EXT1: variants seen among roughly 807,000 people sequenced by gnomAD.
The protein encoded by EXT1 is exostosin glycosyltransferase 1, also known as exostosin-1.
In EXT1, 20 loss-of-function variants were observed where a neutral mutation model predicts 82.5. The observed-to-expected ratio is 0.24, with a 90% confidence interval of 0.17 to 0.35. The LOEUF is 0.35. Ranked by LOEUF, EXT1 falls within the 10% of genes least tolerant of loss-of-function variation. The pLI is 1.00. For synonymous variants in EXT1, 348 were observed against 350.8 expected (o/e 0.99, Z 0.09); for missense variants, 757 against 936.5 (o/e 0.81, Z 2.50).
intron 1 of EXT1, among the ~76,000 whole-genome samples, chr8:117,998,412 C>T (rs1047921643): frequency 2.0e-5 from 3 of 152,064 alleles, no homozygotes; most frequent in African/African-American, 7.2e-5. Flanking sequence ...TGGGCTCAAG[C>T]GACTTTCCCA....
At chr8:117,833,333 G>A (rs1406989984) in intron 3 of EXT1, among the ~76,000 whole-genome samples, 1 of 152,148 alleles carries the variant, frequency 6.6e-6, no homozygotes, top group Non-Finnish European at 1.5e-5. Context: ...AACTGGACAA[G>A]TGGCTGGGCG....
At chr8:117,860,122 G>C (rs1812654364) in intron 1 of EXT1, among the ~76,000 whole-genome samples, 1 of 137,234 alleles carries the variant, frequency 7.3e-6, no homozygotes, top group East Asian at 2.1e-4. Context: ...CCTCCAGCCT[G>C]GGTAACAGAG....
chr8:117,876,934 C>G (rs1405370675), intron 1 of EXT1, among the ~76,000 whole-genome samples: 4 of 152,018 alleles, frequency 2.6e-5, no homozygotes, highest in African/African-American at 9.7e-5. Context: ...TTTCAGCTAC[C>G]AGGCTGTGGG....
intron 1 of EXT1, among the ~76,000 whole-genome samples, chr8:118,026,255 A>C (rs1029895891): frequency 4.6e-5 from 7 of 152,314 alleles, no homozygotes; most frequent in Non-Finnish European, 7.4e-5. Flanking sequence ...GGGCTGGCTA[A>C]GGTGAGGGCT....
chr8:118,056,808 G>T (rs1816801833), intron 1 of EXT1, among the ~76,000 whole-genome samples: 1 of 152,208 alleles, frequency 6.6e-6, no homozygotes, highest in Non-Finnish European at 1.5e-5. Flanking sequence ...AGAGAGCCTG[G>T]AAGAGAACTT....
intron 7 of EXT1, among the ~76,000 whole-genome samples, chr8:117,816,873 T>C (rs1811830816): frequency 1.3e-5 from 2 of 152,186 alleles, no homozygotes; most frequent in South Asian, 4.1e-4. Flanking sequence ...CCTTGACCCA[T>C]GGAAGCATAC....
At chr8:117,863,061 G>C (rs1812712655) in intron 1 of EXT1, among the ~76,000 whole-genome samples, 1 of 152,152 alleles carries the variant, frequency 6.6e-6, no homozygotes, top group African/African-American at 2.4e-5. Context: ...GGCGTTGTTA[G>C]CTTTGATGCA....
chr8:117,874,239 T>C (rs1310869813), intron 1 of EXT1, among the ~76,000 whole-genome samples: 1 of 152,184 alleles, frequency 6.6e-6, no homozygotes, highest in Admixed American at 6.5e-5. Flanking sequence ...TTGTCAAGTT[T>C]GTATGACAAT....
rs571179564 is a variant in EXT1 at position 117,803,570 on chromosome 8, C to T, written c.2055+1152G>A. 4.6e-5 allele frequency among the ~76,000 whole-genome samples: 7 copies of T among 152,192 alleles called. No individual in the cohort carries two copies. In the East Asian group the frequency reaches 1.4e-3, roughly 29 times the overall value. On this transcript the variant is annotated intron_variant, in intron 10 of 10. Transcript: ENST00000378204. ...AAAGATAGATGAAATTCGGCATATCCAGGTGGACCTGATACCAAGATGGTG... is the reference window on the plus strand; with the variant it reads ...AAAGATAGATGAAATTCGGCATATCTAGGTGGACCTGATACCAAGATGGTG...
At position 117,968,526 on chromosome 8, in the gene EXT1, C is replaced by CTTATTTATTTAT. The variant is rs1250006319; in HGVS notation, c.963-131337_963-131326dup. On this transcript the variant is annotated intron_variant, in intron 1 of 10. Transcript: ENST00000378204. The stretch of plus-strand genomic sequence containing the variant: ...TCTAATTAAATACTACTTATTCTGC[C>CTTATTTATTTAT]TTATTTATTTATTTATTTATTTATT... Among the ~76,000 whole-genome samples, 347 of 37,016 alleles carry CTTATTTATTTAT rather than the reference C, an allele frequency of 9.4e-3. 24 individuals carry two copies. The highest frequency in any genetic ancestry group is 0.01 in the Non-Finnish European group (254 of 25,252). The allele number at this position is 37,016 out of a possible 152,430, so 24.3% of individuals were successfully genotyped here.
chr8:118,027,491 G>A (rs1188101108), intron 1 of EXT1, among the ~76,000 whole-genome samples: 1 of 152,206 alleles, frequency 6.6e-6, no homozygotes, highest in Admixed American at 6.5e-5. Flanking sequence ...TCTAGCTCAA[G>A]TCTTTGGACT....
intron 1 of EXT1, among the ~76,000 whole-genome samples, chr8:117,878,917 CTT>C (rs1813014939): frequency 6.6e-6 from 1 of 152,224 alleles, no homozygotes; most frequent in African/African-American, 2.4e-5. Flanking sequence ...TGCTCCACTT[CTT>C]CATGGTGAGA....
chr8:118,083,309 C>T (rs1055068114), intron 1 of EXT1, among the ~76,000 whole-genome samples: 3 of 152,176 alleles, frequency 2.0e-5, no homozygotes, highest in Non-Finnish European at 4.4e-5. Flanking sequence ...GTAATCTCCA[C>T]AATTAAAGAA....
At chr8:117,866,139 C>T (rs563170286) in intron 1 of EXT1, among the ~76,000 whole-genome samples, 2 of 152,200 alleles carry the variant, frequency 1.3e-5, no homozygotes, top group African/African-American at 4.8e-5. Flanking sequence ...GCAGGAGAAT[C>T]GCTTGAACCC....
intron 1 of EXT1, among the ~76,000 whole-genome samples, chr8:117,859,880 C>A (rs953824686): frequency 6.6e-6 from 1 of 152,178 alleles, no homozygotes; most frequent in Non-Finnish European, 1.5e-5. Context: ...GGCACAGTGG[C>A]TCACGCCTGT....
rs376449014 is a variant in EXT1 at position 117,822,466 on chromosome 8, T to A, written c.1416A>T (p.Leu472Phe). Residue 472 changes from leucine (L) to phenylalanine (F), a missense_variant and splice_region_variant, in exon 5 of 11, where the codon TTA becomes TTT. Transcript: ENST00000378204. ...ACTCCCTGGAGGAAATTCACTTACC[T>A]AAATTAGCATAGTAGTAAGGAAAAT... ...LGDFPYYYAN[L>F]GLKPPSKFTA... is the part of the protein sequence containing the mutation. The A allele has an allele frequency of 6.2e-7, 1 of 1,613,030 alleles. No individual in the cohort carries two copies. The highest frequency in any genetic ancestry group is 8.5e-7 in the Non-Finnish European group (1 of 1,179,668).
At chr8:118,069,512 C>CA (rs962233520) in intron 1 of EXT1, among the ~76,000 whole-genome samples, 1 of 152,020 alleles carries the variant, frequency 6.6e-6, no homozygotes, top group Non-Finnish European at 1.5e-5. Flanking sequence ...GATAAGAGAG[C>CA]AAAAATTACA....
At chr8:118,087,313 G>A (rs1034388069) in intron 1 of EXT1, among the ~76,000 whole-genome samples, 25 of 152,100 alleles carry the variant, frequency 1.6e-4, no homozygotes, top group African/African-American at 5.8e-4. Context: ...CCATTGAATC[G>A]TTTCATCAGA....
chr8:117,991,061 A>G (rs1453631136), intron 1 of EXT1, among the ~76,000 whole-genome samples: 1 of 152,016 alleles, frequency 6.6e-6, no homozygotes, highest in Admixed American at 6.6e-5. Context: ...CCCAAGGTCC[A>G]TACACGGAAT....
Sources: gnomAD v4.1 joint callset for allele counts (sites outside exome capture counted in the v4.1 genomes callset) on GRCh38, gnomAD v4.1.1 for gene constraint, MANE v1.5 for transcripts, NCBI Gene and HGNC (gene_info 2026-07-23, HGNC 2026-07-21) for gene names.